DOK6: variants seen among roughly 807,000 people sequenced by gnomAD.
The protein encoded by DOK6 is downstream of tyrosine kinase 6.
DOK6 carries 22 observed loss-of-function variants against 44.0 expected under a neutral mutation model. The ratio of observed to expected loss-of-function variants is 0.50; its 90% CI spans 0.36 to 0.71. The LOEUF is 0.71. DOK6 is among the 30% of genes least tolerant of loss of function. DOK6 has a pLI of 0.00. For missense variants in DOK6, 340 were observed against 416.4 expected, an observed-to-expected ratio of 0.82 and a Z score of 1.60; for synonymous variants, 166 against 145.5, an observed-to-expected ratio of 1.14 and a Z score of -1.01.
chr18:69,455,981 AT>A (rs930931974), intron 1 of DOK6, among the ~76,000 whole-genome samples: 1 of 152,186 alleles, frequency 6.6e-6, no homozygotes, highest in African/African-American at 2.4e-5. Flanking sequence ...AAAAATCATA[AT>A]TTAAAAGAGG....
intron 3 of DOK6, among the ~76,000 whole-genome samples, chr18:69,632,153 G>T (rs931013916): frequency 6.6e-6 from 1 of 152,032 alleles, no homozygotes; most frequent in African/African-American, 2.4e-5. Context: ...TAAAAACTTG[G>T]TACATACTTT....
At chr18:69,619,798 C>T (rs913998261) in intron 3 of DOK6, among the ~76,000 whole-genome samples, 2 of 152,090 alleles carry the variant, frequency 1.3e-5, no homozygotes, top group East Asian at 3.9e-4. Flanking sequence ...ATAAACTTAT[C>T]GTGGTGTTGT....
intron 5 of DOK6, among the ~76,000 whole-genome samples, chr18:69,710,990 C>G (rs1158955273): frequency 6.6e-6 from 1 of 152,188 alleles, no homozygotes; most frequent in East Asian, 1.9e-4. Context: ...GATCTGCCCT[C>G]TAGCTTTGGT....
At chr18:69,782,027 C>T (rs1980283177) in intron 7 of DOK6, among the ~76,000 whole-genome samples, 1 of 151,840 alleles carries the variant, frequency 6.6e-6, no homozygotes, top group African/African-American at 2.4e-5. Context: ...AAAAATATAG[C>T]AGTTCTATTA....
At chr18:69,458,081 T>TA (rs1568264495) in intron 1 of DOK6, among the ~76,000 whole-genome samples, 1 of 152,128 alleles carries the variant, frequency 6.6e-6, no homozygotes, top group Non-Finnish European at 1.5e-5. Flanking sequence ...AGGCAGAACT[T>TA]ACAGCAAGCC....
At chr18:69,636,665 C>T (rs1475220730) in intron 3 of DOK6, among the ~76,000 whole-genome samples, 1 of 152,200 alleles carries the variant, frequency 6.6e-6, no homozygotes, top group Non-Finnish European at 1.5e-5. Context: ...CAAAGATCTG[C>T]TTATGTTCCC....
intron 6 of DOK6, among the ~76,000 whole-genome samples, chr18:69,747,310 T>TCA (rs1979016834): frequency 6.6e-6 from 1 of 152,198 alleles, no homozygotes; most frequent in Non-Finnish European, 1.5e-5. Flanking sequence ...AGTTAACAGT[T>TCA]TTTTTATACA....
At chr18:69,725,612 C>T (rs1050769653) in intron 5 of DOK6, among the ~76,000 whole-genome samples, 1 of 152,122 alleles carries the variant, frequency 6.6e-6, no homozygotes, top group Non-Finnish European at 1.5e-5. Context: ...CTCAGCCTCC[C>T]GAGGAGGTGG....
intron 1 of DOK6, among the ~76,000 whole-genome samples, chr18:69,497,252 T>A (rs558578825): frequency 6.6e-6 from 1 of 152,328 alleles, no homozygotes; most frequent in East Asian, 1.9e-4. Flanking sequence ...TTTCTTAAAC[T>A]TGAGCAAAGT....
chr18:69,418,804 T>C (rs1010852053), intron 1 of DOK6, among the ~76,000 whole-genome samples: 1 of 152,086 alleles, frequency 6.6e-6, no homozygotes, highest in Non-Finnish European at 1.5e-5. Flanking sequence ...AAGGGAATAT[T>C]TATTTAATGC....
At chr18:69,648,427 G>A (rs1316943857) in intron 3 of DOK6, among the ~76,000 whole-genome samples, 1 of 151,564 alleles carries the variant, frequency 6.6e-6, no homozygotes, top group African/African-American at 2.4e-5. Flanking sequence ...TTAGCTTTAG[G>A]TACCTCTGAA....
chr18:69,778,489 C>A (rs956421835), intron 7 of DOK6, among the ~76,000 whole-genome samples: 3 of 152,186 alleles, frequency 2.0e-5, no homozygotes, highest in Admixed American at 6.5e-5. Context: ...AGGCAATAAA[C>A]ACTTCACTCA....
At chr18:69,480,226 T>G (rs903173401) in intron 1 of DOK6, among the ~76,000 whole-genome samples, 5 of 146,664 alleles carry the variant, frequency 3.4e-5, no homozygotes, top group Admixed American at 1.4e-4. Flanking sequence ...TTAAATATCC[T>G]TATTGGTATA....
chr18:69,743,094 T>C (rs1412552420), intron 6 of DOK6, among the ~76,000 whole-genome samples: 2 of 152,242 alleles, frequency 1.3e-5, no homozygotes, highest in Non-Finnish European at 2.9e-5. Flanking sequence ...GGAGTCTCTA[T>C]ACCTTCTTCA....
chr18:69,739,782 G>C (rs533157783), intron 6 of DOK6, among the ~76,000 whole-genome samples: 1 of 152,248 alleles, frequency 6.6e-6, no homozygotes, highest in African/African-American at 2.4e-5. Context: ...TAAGAGATGA[G>C]TATTGTTTTT....
chr18:69,508,545 A>G (rs1233316100), intron 1 of DOK6, among the ~76,000 whole-genome samples: 1 of 152,194 alleles, frequency 6.6e-6, no homozygotes, highest in Non-Finnish European at 1.5e-5. Flanking sequence ...ACTTCAGTGG[A>G]GATGTAAAGG....
chr18:69,500,112 G>C (rs1055909956), intron 1 of DOK6, among the ~76,000 whole-genome samples: 1 of 152,214 alleles, frequency 6.6e-6, no homozygotes, highest in East Asian at 1.9e-4. Flanking sequence ...CTTGATACAG[G>C]TACATGAGAT....
intron 7 of DOK6, among the ~76,000 whole-genome samples, chr18:69,762,746 C>T (rs911745723): frequency 2.0e-5 from 3 of 152,182 alleles, no homozygotes; most frequent in Admixed American, 1.3e-4. Flanking sequence ...TATAGTAAGA[C>T]ACCTATAACT....
chr18:69,723,431 T>C (rs761981295), intron 5 of DOK6, among the ~76,000 whole-genome samples: 16 of 152,192 alleles, frequency 1.1e-4, no homozygotes, highest in Admixed American at 2.0e-4. Context: ...GGAAGCAGTT[T>C]TTCACAGGCA....
Sources: gnomAD v4.1 joint callset for allele counts (sites outside exome capture counted in the v4.1 genomes callset) on GRCh38, gnomAD v4.1.1 for gene constraint, MANE v1.5 for transcripts, NCBI Gene and HGNC (gene_info 2026-07-23, HGNC 2026-07-21) for gene names.